Variants in CDK16 observed in about 807,000 individuals in gnomAD.
CDK16 encodes cyclin-dependent kinase 16.
A neutral mutation model predicts 41.6 loss-of-function variants in CDK16; 2 were observed. The observed-to-expected ratio is 0.05, with a 90% confidence interval of 0.02 to 0.15. The LOEUF is 0.15. CDK16 is among the 10% of genes least tolerant of loss of function. The probability of loss-of-function intolerance (pLI) is 1.00; values close to 1 mark genes in which losing one functional copy is unlikely to be tolerated. For synonymous variants in CDK16, 169 were observed against 169.7 expected, an observed-to-expected ratio of 1.00 and a Z score of 0.03; for missense variants, 228 against 428.9, an observed-to-expected ratio of 0.53 and a Z score of 4.14.
intron 14 of CDK16, chrX:47,227,744 C>T: frequency 2.8e-6 from 1 of 353,331 alleles, no homozygotes; most frequent in Non-Finnish European, 4.9e-6. Context: ...CTAAAAAATG[C>T]ACAAATCATA....
intron 6 of CDK16, 101 bp from the exon 7 acceptor site, chrX:47,225,671 A>G (rs1294508521): frequency 1.6e-6 from 1 of 610,197 alleles, no homozygotes; most frequent in Admixed American, 2.7e-5. Flanking sequence ...CTAGAGAAAG[A>G]AAGAAAACCT....
chrX:47,226,010 A>G lies in CDK16; in HGVS notation c.775A>G (p.Asn259Asp), dbSNP rs763332372. 4 of 1,200,533 alleles carry G rather than the reference A, an allele frequency of 3.3e-6. No homozygotes were observed. In the East Asian group the frequency reaches 1.2e-4, roughly 36 times the overall value. Residue 259 changes from asparagine to aspartate, a missense_variant, in exon 8 of 16, where the codon AAC becomes GAC. Around this residue, in one of 3 missense-constraint regions of CDK16, gnomAD observed 66 missense variants for 197.2 expected, o/e 0.33. Coordinates refer to ENST00000357227, the MANE Select transcript of CDK16 (RefSeq NM_006201.5). ...CCTGGATGACTGTGGGAACATCATC[A>G]ACATGCACAACGTGAAAGTGGGTGT... ...QYLDDCGNII[N>D]MHNVKLFLFQ...
intron 1 of CDK16, among the ~76,000 whole-genome samples, chrX:47,220,627 C>T (rs1223737677): frequency 6.4e-5 from 7 of 108,942 alleles, no homozygotes; most frequent in African/African-American, 2.4e-4. Context: ...GTGTGAGGCC[C>T]GGCGTGTGCT....
At chrX:47,227,290 C>A (rs1161536847) in intron 13 of CDK16, 67 bp downstream of exon 13, 5 of 1,119,044 alleles carry the variant, frequency 4.5e-6, no homozygotes, top group Non-Finnish European at 4.9e-6. Flanking sequence ...GGACCCCCCC[C>A]CTCAAACCAG....
At chrX:47,228,310 C>A in intron 14 of CDK16, 1 of 337,982 alleles carries the variant, frequency 3.0e-6, no homozygotes, top group Non-Finnish European at 5.1e-6. Flanking sequence ...CCACCCATCA[C>A]CTAGACTTAA....
Position 47,218,818 on chromosome X carries a change from A to G in CDK16, c.-294A>G, listed in dbSNP as rs1362328230. On this transcript the variant is annotated 5_prime_UTR_variant, in exon 1 of 16. Coordinates refer to ENST00000357227, the MANE Select transcript of CDK16 (RefSeq NM_006201.5). ...CTCTGTGCCGCGAGCCGCCGTGAGC[A>G]CTCGGATTCAAGCCGGCGCCAACGA... 1 of 1,142,118 alleles carries G rather than the reference A, an allele frequency of 8.8e-7. No homozygotes were observed. The highest frequency in any genetic ancestry group is 1.8e-5 in the African/African-American group (1 of 54,519). 94.1% of individuals were successfully genotyped at this position (1,142,118 alleles called of 1,213,427 possible).
chrX:47,222,956 C>CT, intron 1 of CDK16: 2 of 766,703 alleles, frequency 2.6e-6, no homozygotes, highest in South Asian at 2.8e-5. Flanking sequence ...ACACGCTCCC[C>CT]TCCCCCCCCC....
chrX:47,223,912 A>C, intron 2 of CDK16, among the ~76,000 whole-genome samples, 153 bp downstream of exon 2: 1 of 104,454 alleles, frequency 9.6e-6, no homozygotes, highest in East Asian at 3.1e-4. Flanking sequence ...TCTTCTCTCA[A>C]CACCGTCTGT....
intron 2 of CDK16, 149 bp downstream of exon 2, chrX:47,223,908 C>T: frequency 4.0e-6 from 2 of 498,875 alleles, no homozygotes; most frequent in Non-Finnish European, 6.8e-6. Flanking sequence ...CCCATCTTCT[C>T]TCAACACCGT....
Position 47,228,818 on chromosome X carries a change from C to T in CDK16, c.*50C>T. Reference sequence around the variant, plus strand: ...CAGCGGCTGGAGGGATGCCACACCCCTCACAGGGCAGCCCCCAACTACATC... The same window carrying T: ...CAGCGGCTGGAGGGATGCCACACCCTTCACAGGGCAGCCCCCAACTACATC... On this transcript the variant is annotated 3_prime_UTR_variant, in exon 16 of 16. Coordinates refer to ENST00000357227, the MANE Select transcript of CDK16 (RefSeq NM_006201.5). 8.8e-7 allele frequency: 1 copy of T among 1,130,409 alleles called. No individual in the cohort carries two copies. The highest frequency in any genetic ancestry group is 1.2e-6 in the Non-Finnish European group (1 of 826,807). 93.2% of individuals were successfully genotyped at this position (1,130,409 alleles called of 1,213,427 possible). A position where few individuals can be genotyped will look rare whatever the true frequency, so the allele number is the denominator to read the frequency against.
At chrX:47,224,770 C>T in intron 4 of CDK16, 27 bp downstream of exon 4, 2 of 1,211,653 alleles carry the variant, frequency 1.7e-6, no homozygotes, top group Non-Finnish European at 2.2e-6. Flanking sequence ...CCCGTCCTCT[C>T]CTTTTTCTTC....
upstream of CDK16, chrX:47,218,663 AG>A (rs1937178226): frequency 1.1e-5 from 13 of 1,167,749 alleles, no homozygotes; most frequent in Non-Finnish European, 1.4e-5. Flanking sequence ...ATGCAGTCCG[AG>A]GTGAGTCCCC....
chrX:47,228,776 A>C lies in CDK16; in HGVS notation c.*8A>C. On this transcript the variant is annotated 3_prime_UTR_variant, in exon 16 of 16. Transcript: ENST00000357227. ...GTGGACACCGAGTTCTAAGCCACAG[A>C]CCGAGGCCCCAGCAGGCAGCGGCTG... 8.3e-7 allele frequency: 1 copy of C among 1,208,738 alleles called. No individual in the cohort carries two copies. Among genetic ancestry groups the C allele is most frequent in the Non-Finnish European group, 1.1e-6 (1 of 893,808 alleles).
intron 1 of CDK16, chrX:47,222,933 A>T: frequency 1.9e-6 from 1 of 535,110 alleles, no homozygotes; most frequent in Non-Finnish European, 2.5e-6. Context: ...GGGTCTGGGC[A>T]GGACACCCTG....
upstream of CDK16, chrX:47,218,353 C>T (rs1186151915): frequency 7.0e-6 from 2 of 286,039 alleles, no homozygotes; most frequent in African/African-American, 5.6e-5. Context: ...CCTTCCTCCC[C>T]AAGCACCTCA....
upstream of CDK16, chrX:47,218,662 G>T: frequency 8.6e-7 from 1 of 1,168,209 alleles, no homozygotes; most frequent in Non-Finnish European, 1.1e-6. Context: ...CATGCAGTCC[G>T]AGGTGAGTCC....
intron 9 of CDK16, 89 bp downstream of exon 9, chrX:47,226,491 T>C: frequency 8.4e-7 from 1 of 1,193,947 alleles, no homozygotes; most frequent in African/African-American, 1.7e-5. Flanking sequence ...CCTTGCCAGA[T>C]TTTGCCTAGG....
chrX:47,227,123 G>T (rs368599866), intron 12 of CDK16, 24 bp downstream of exon 12: 48 of 1,206,125 alleles, frequency 4.0e-5, no homozygotes, highest in Non-Finnish European at 5.3e-5. Context: ...GTGGGTGGGC[G>T]TTAGGGGCCA....
intron 14 of CDK16, 75 bp from the exon 15 acceptor site, chrX:47,228,492 C>T: frequency 1.2e-6 from 1 of 866,487 alleles, no homozygotes; most frequent in South Asian, 2.1e-5. Context: ...CTAATTCTTC[C>T]CATGGGGTCA....
Sources: gnomAD v4.1 joint callset for allele counts (sites outside exome capture counted in the v4.1 genomes callset) on GRCh38, gnomAD v4.1.1 for gene constraint, gnomAD v4.1.1 regional missense constraint, MANE v1.5 for transcripts, NCBI Gene and HGNC (gene_info 2026-07-23, HGNC 2026-07-21) for gene names.